The following RUFY1 variants were observed in gnomAD, a reference collection of about 807,000 sequenced individuals.
RUFY1 encodes RUN and FYVE domain-containing protein 1.
RUFY1 carries 54 observed loss-of-function variants against 94.6 expected under a neutral mutation model. The ratio of observed to expected loss-of-function variants is 0.57; its 90% confidence interval spans 0.46 to 0.72. The LOEUF is 0.72. Among genes scored for constraint, RUFY1 ranks in the 30% least tolerant of loss-of-function variants. RUFY1 has a pLI of 0.00. For synonymous variants in RUFY1, 396 were observed against 347.3 expected, an observed-to-expected ratio of 1.14 and a Z score of -1.56; for missense variants, 883 against 883.9, an observed-to-expected ratio of 1.00 and a Z score of 0.01.
At chr5:179,559,218 G>A (rs542304704) in intron 1 of RUFY1, among the ~76,000 whole-genome samples, 3 of 152,312 alleles carry the variant, frequency 2.0e-5, no homozygotes, top group East Asian at 1.9e-4. Flanking sequence ...GGGTTTCAGA[G>A]AGCATTTGGC....
chr5:179,568,708 A>G (rs1379132803), intron 4 of RUFY1, among the ~76,000 whole-genome samples: 1 of 152,260 alleles, frequency 6.6e-6, no homozygotes, highest in Non-Finnish European at 1.5e-5. Context: ...TTACTAATGA[A>G]CTAATTCTTA....
chr5:179,592,967 G>A (rs1765236268), intron 10 of RUFY1, among the ~76,000 whole-genome samples: 1 of 152,186 alleles, frequency 6.6e-6, no homozygotes, highest in Non-Finnish European at 1.5e-5. Flanking sequence ...GACTTGATGT[G>A]GAGTCAGCTT....
intron 15 of RUFY1, among the ~76,000 whole-genome samples, chr5:179,605,109 C>T (rs900237804): frequency 2.6e-5 from 4 of 151,772 alleles, no homozygotes; most frequent in Non-Finnish European, 5.9e-5. Context: ...CAAAACCCCA[C>T]CTCTAGAAAA....
chr5:179,591,836 T>C, intron 10 of RUFY1, 95 bp downstream of exon 10: 4 of 738,086 alleles, frequency 5.4e-6, no homozygotes, highest in Non-Finnish European at 8.6e-6. Flanking sequence ...ATCCTGATGG[T>C]CATAGAAAGT....
chr5:179,559,903 C>G, intron 1 of RUFY1, 122 bp from the exon 2 acceptor site: 1 of 1,439,322 alleles, frequency 6.9e-7, no homozygotes, highest in Non-Finnish European at 9.1e-7. Flanking sequence ...CGCCCGCCAG[C>G]ACGTCCGTTC....
intron 3 of RUFY1, among the ~76,000 whole-genome samples, chr5:179,564,114 G>T (rs1414736099): frequency 4.6e-5 from 5 of 108,600 alleles, no homozygotes; most frequent in African/African-American, 9.6e-5. Flanking sequence ...GCGTCCTGAT[G>T]TTTTCTTTTT....
chr5:179,569,665 G>A (rs565876291), intron 5 of RUFY1, among the ~76,000 whole-genome samples: 3 of 152,242 alleles, frequency 2.0e-5, no homozygotes, highest in African/African-American at 7.2e-5. Flanking sequence ...CTGGAGTAGA[G>A]GATGCTCTGT....
intron 13 of RUFY1, among the ~76,000 whole-genome samples, chr5:179,597,384 A>C (rs960798785): frequency 6.6e-6 from 1 of 152,088 alleles, no homozygotes; most frequent in Non-Finnish European, 1.5e-5. Context: ...TACAGGCATC[A>C]GCCACCACAC....
At chr5:179,601,664 C>CA (rs1226741244) in intron 14 of RUFY1, among the ~76,000 whole-genome samples, 4 of 151,156 alleles carry the variant, frequency 2.6e-5, no homozygotes, top group Admixed American at 2.6e-4. Flanking sequence ...ACTGAAAATA[C>CA]AAAAATTAGC....
chr5:179,596,422 G>A, intron 12 of RUFY1, 140 bp from the exon 13 acceptor site: 1 of 1,059,648 alleles, frequency 9.4e-7, no homozygotes. Flanking sequence ...GATTGTGGTG[G>A]AGCTGAATCT....
chr5:179,557,783 G>A (rs1452915097), intron 1 of RUFY1, among the ~76,000 whole-genome samples: 5 of 152,070 alleles, frequency 3.3e-5, no homozygotes, highest in Non-Finnish European at 5.9e-5. Context: ...CAGAGGGTTA[G>A]AGACCACCCC....
intron 12 of RUFY1, chr5:179,595,980 G>A (rs1395357759): frequency 1.3e-5 from 2 of 155,482 alleles, no homozygotes; most frequent in South Asian, 1.9e-4. Context: ...GAAGCTAAAC[G>A]TCCTCTTACC....
At chr5:179,587,978 G>C (rs984117633) in intron 8 of RUFY1, among the ~76,000 whole-genome samples, 4 of 152,000 alleles carry the variant, frequency 2.6e-5, no homozygotes, top group Non-Finnish European at 4.4e-5. Context: ...CAGTGAGACA[G>C]AGTAACACCC....
chr5:179,584,591 G>A (rs915502807), intron 7 of RUFY1, among the ~76,000 whole-genome samples: 3 of 151,870 alleles, frequency 2.0e-5, no homozygotes, highest in African/African-American at 7.3e-5. Flanking sequence ...AGATCAGTCT[G>A]GGTGACATAG....
chr5:179,581,686 CTTT>C (rs140137888), intron 7 of RUFY1, among the ~76,000 whole-genome samples: 4 of 141,362 alleles, frequency 2.8e-5, no homozygotes, highest in Admixed American at 2.2e-4. Context: ...TTTTACTTTT[CTTT>C]TTTTTTTTTT....
At chr5:179,579,657 C>CTTTTT (rs61062422) in intron 6 of RUFY1, among the ~76,000 whole-genome samples, 686 of 50,514 alleles carry the variant, frequency 0.014, 119 homozygotes, top group African/African-American at 0.039. Context: ...TTTTCTTCTT[C>CTTTTT]TTTTTTTTTT....
intron 3 of RUFY1, among the ~76,000 whole-genome samples, chr5:179,565,250 C>T (rs1477737099): frequency 7.1e-6 from 1 of 139,926 alleles, no homozygotes; most frequent in African/African-American, 2.6e-5. Flanking sequence ...ACAATCTCGA[C>T]TCACTGCAGC....
chr5:179,595,044 C>T (rs1242442218), intron 12 of RUFY1, 81 bp downstream of exon 12: 9 of 1,061,370 alleles, frequency 8.5e-6, no homozygotes, highest in Non-Finnish European at 1.1e-5. Context: ...GAGTCCCTCT[C>T]CAAAGTGCAG....
At chr5:179,568,530 T>C (rs1415998099) in intron 4 of RUFY1, among the ~76,000 whole-genome samples, 1 of 152,226 alleles carries the variant, frequency 6.6e-6, no homozygotes, top group Non-Finnish European at 1.5e-5. Flanking sequence ...TTTCACATAC[T>C]CTGAGTAGTT....
Sources: gnomAD v4.1 joint callset for allele counts (sites outside exome capture counted in the v4.1 genomes callset) on GRCh38, gnomAD v4.1.1 for gene constraint, MANE v1.5 for transcripts, NCBI Gene and HGNC (gene_info 2026-07-23, HGNC 2026-07-21) for gene names.